Variants in PLEKHH2 observed in about 807,000 individuals in gnomAD.
The protein encoded by PLEKHH2 is pleckstrin homology domain-containing family H member 2.
A neutral mutation model predicts 187.9 loss-of-function variants in PLEKHH2; 129 were observed. That is an observed-to-expected ratio of 0.69 (90% CI 0.59 to 0.79). The LOEUF is 0.79. PLEKHH2 is among the 30% of genes least tolerant of loss of function. The pLI is 0.00. For synonymous variants in PLEKHH2, 686 were observed against 605.6 expected, an observed-to-expected ratio of 1.13 and a Z score of -1.95; for missense variants, 2,076 against 1,751.2, an observed-to-expected ratio of 1.19 and a Z score of -3.31.
intron 29 of PLEKHH2, 26 bp from the exon 30 acceptor site, chr2:43,765,387 A>G: frequency 1.2e-6 from 2 of 1,609,830 alleles, no homozygotes; most frequent in Non-Finnish European, 1.7e-6. Context: ...CTAAGGAGCA[A>G]AACAATTCTG....
chr2:43,702,893 T>A (rs1446201212), intron 8 of PLEKHH2, among the ~76,000 whole-genome samples: 2 of 152,112 alleles, frequency 1.3e-5, no homozygotes, highest in African/African-American at 4.8e-5. Flanking sequence ...GCTCAGCTTG[T>A]CCTCCCAGGC....
Position 43,726,363 on chromosome 2 carries a change from G to C in PLEKHH2, c.2633G>C (p.Arg878Pro), listed in dbSNP as rs770358671. Residue 878 changes from arginine to proline, a missense_variant, in exon 17 of 30, where the codon CGA becomes CCA. Arg to Pro is a moderately radical substitution (Grantham distance 103, BLOSUM62 -2). Transcript: ENST00000282406. ...GATGAAGATTATGAAGCCAGTGGAC[G>C]AAGTCTGTTATCCACACATTATACT... ...DSDEDYEASG[R>P]SLLSTHYTIV... 6.2e-7 allele frequency: 1 copy of C among 1,610,524 alleles called. No individual in the cohort carries two copies. The highest frequency in any genetic ancestry group is 2.2e-5 in the East Asian group (1 of 44,822).
At chr2:43,681,251 A>G (rs1449273710) in intron 3 of PLEKHH2, 9 of 661,076 alleles carry the variant, frequency 1.4e-5, no homozygotes, top group Non-Finnish European at 2.4e-5. Context: ...TCCAATTACA[A>G]TCCTCCTGTG....
chr2:43,748,690 C>A (rs570275480), intron 24 of PLEKHH2, among the ~76,000 whole-genome samples: 1 of 152,228 alleles, frequency 6.6e-6, no homozygotes, highest in South Asian at 2.1e-4. Flanking sequence ...TTGGCCTCAG[C>A]CTTTGTGGAA....
chr2:43,679,494 C>CTTT (rs70965314), intron 3 of PLEKHH2: 330 of 254,104 alleles, frequency 1.3e-3, no homozygotes, highest in South Asian at 3.7e-3. Context: ...GATTTTTTCC[C>CTTT]TTTTTTTTTT....
chr2:43,696,841 A>C (rs1669116925), intron 6 of PLEKHH2, among the ~76,000 whole-genome samples: 1 of 152,174 alleles, frequency 6.6e-6, no homozygotes, highest in African/African-American at 2.4e-5. Context: ...TCAATACTTG[A>C]CTTTGCAGGA....
intron 16 of PLEKHH2, among the ~76,000 whole-genome samples, chr2:43,722,255 C>CAA (rs5830768): frequency 5.9e-4 from 73 of 123,594 alleles, no homozygotes; most frequent in African/African-American, 2.0e-3. Flanking sequence ...GACCCTATCT[C>CAA]AAAAAAAAAA....
intron 3 of PLEKHH2, chr2:43,681,142 C>A (rs1343324629): frequency 1.3e-6 from 1 of 770,312 alleles, no homozygotes; most frequent in South Asian, 1.6e-5. Context: ...GAGCCTCCTG[C>A]AACACTCTAA....
At chr2:43,754,463 A>G (rs1246619672) in intron 25 of PLEKHH2, among the ~76,000 whole-genome samples, 1 of 152,218 alleles carries the variant, frequency 6.6e-6, no homozygotes, top group Non-Finnish European at 1.5e-5. Context: ...CAGCAGCTGC[A>G]TAGAACGCCT....
intron 6 of PLEKHH2, among the ~76,000 whole-genome samples, chr2:43,696,293 T>G (rs901346761): frequency 1.3e-5 from 2 of 151,998 alleles, no homozygotes; most frequent in Non-Finnish European, 2.9e-5. Context: ...GGCAATATAG[T>G]GAGACCCCAT....
intron 19 of PLEKHH2, among the ~76,000 whole-genome samples, chr2:43,732,905 A>G (rs1034377252): frequency 6.6e-6 from 1 of 152,358 alleles, no homozygotes; most frequent in Non-Finnish European, 1.5e-5. Context: ...TCTGACGCCA[A>G]TAAAAATTCA....
At chr2:43,681,855 A>T (rs945922332) in intron 3 of PLEKHH2, among the ~76,000 whole-genome samples, 53 of 152,234 alleles carry the variant, frequency 3.5e-4, no homozygotes, top group African/African-American at 1.1e-3. Flanking sequence ...TATAGGGTAG[A>T]GTAAGTGCCT....
At chr2:43,719,359 C>G in intron 15 of PLEKHH2, among the ~76,000 whole-genome samples, 1 of 152,182 alleles carries the variant, frequency 6.6e-6, no homozygotes, top group East Asian at 1.9e-4. Flanking sequence ...ATGATTACTT[C>G]TAAGAAGGCA....
intron 5 of PLEKHH2, 43 bp downstream of exon 5, chr2:43,694,557 C>CT: frequency 1.4e-6 from 2 of 1,480,660 alleles, no homozygotes; most frequent in Non-Finnish European, 9.0e-7. Flanking sequence ...CCTTTTACTT[C>CT]TTTTGAATTG....
At position 43,694,488 on chromosome 2, in the gene PLEKHH2, G is replaced by T. The variant is rs763599227; in HGVS notation, c.394G>T (p.Glu132Ter). The change falls in exon 5 of 30, where the codon GAA becomes TAA. Residue 132 changes from glutamate (E) to a stop codon, truncating the protein, a stop_gained. Transcript: ENST00000282406. LOFTEE classifies it high-confidence loss of function. ...IIEEKAAKIKEWVTVKLNELE... is the reference protein window; with the variant it reads ...IIEEKAAKIK ...AGAAGAGAAAGCAGCTAAGATAAAA[G>T]AATGGGTAACAGTTAAGTTAAATGA... 2 of 1,561,824 alleles carry T rather than the reference G, an allele frequency of 1.3e-6. No homozygotes were observed. Among genetic ancestry groups the T allele is most frequent in the Non-Finnish European group, 1.7e-6 (2 of 1,146,320 alleles).
intron 11 of PLEKHH2, among the ~76,000 whole-genome samples, chr2:43,708,474 C>T (rs1206896200): frequency 6.6e-6 from 1 of 152,218 alleles, no homozygotes; most frequent in African/African-American, 2.4e-5. Context: ...CCCTCACCTC[C>T]ATCAGCAAAC....
intron 2 of PLEKHH2, among the ~76,000 whole-genome samples, chr2:43,672,918 A>AT: frequency 6.6e-6 from 1 of 152,162 alleles, no homozygotes; most frequent in Non-Finnish European, 1.5e-5. Flanking sequence ...GCACACGTAA[A>AT]TTTTTTAACA....
intron 18 of PLEKHH2, among the ~76,000 whole-genome samples, chr2:43,730,763 C>T (rs748711602): frequency 3.3e-5 from 5 of 152,144 alleles, no homozygotes; most frequent in Admixed American, 2.0e-4. Flanking sequence ...ATGCTTTATA[C>T]GCTAAGAGAG....
At chr2:43,713,083 A>T (rs1295527080) in intron 15 of PLEKHH2, among the ~76,000 whole-genome samples, 1 of 141,036 alleles carries the variant, frequency 7.1e-6, no homozygotes, top group Non-Finnish European at 1.5e-5. Flanking sequence ...TTGAGTGAAC[A>T]AATCAATATC....
Sources: allele counts gnomAD v4.1 joint callset (sites outside exome capture counted in the v4.1 genomes callset), GRCh38; gene constraint gnomAD v4.1.1; transcripts MANE v1.5; gene names NCBI Gene and HGNC (gene_info 2026-07-23, HGNC 2026-07-21).